The following CACNB2 variants were observed in gnomAD, a reference collection of about 807,000 sequenced individuals.
CACNB2 encodes the protein calcium voltage-gated channel auxiliary subunit beta 2, also known as voltage-dependent L-type calcium channel subunit beta-2.
In CACNB2, 42 loss-of-function variants were observed where a neutral mutation model predicts 73.3. The ratio of observed to expected loss-of-function variants is 0.57; its 90% CI spans 0.45 to 0.74. CACNB2 has a LOEUF of 0.74. CACNB2 is among the 30% of genes least tolerant of loss of function. The pLI, the probability that CACNB2 is intolerant of heterozygous loss-of-function variation, is 0.00. For synonymous variants in CACNB2, 348 were observed against 310.3 expected (o/e 1.12, Z -1.28); for missense variants, 940 against 853.0 (o/e 1.10, Z -1.27).
intron 2 of CACNB2, among the ~76,000 whole-genome samples, chr10:18,368,982 C>T (rs1393015112): frequency 6.6e-6 from 1 of 152,120 alleles, no homozygotes; most frequent in Non-Finnish European, 1.5e-5. Context: ...GGTAATTTAA[C>T]ATCACTGTAA....
chr10:18,401,304 G>T (rs972569136), intron 2 of CACNB2, among the ~76,000 whole-genome samples: 1 of 152,204 alleles, frequency 6.6e-6, no homozygotes, highest in Non-Finnish European at 1.5e-5. Flanking sequence ...TCCCAGGCAG[G>T]TGTTTTCTGT....
In CACNB2 at chr10:18,461,516, T is replaced by G. The variant is rs1187365463; in HGVS notation, c.334-36839T>G. Among the ~76,000 whole-genome samples, 4 of 151,274 alleles carry G rather than the reference T, an allele frequency of 2.6e-5. No individual in the cohort carries two copies. In the East Asian group the frequency reaches 5.9e-4, roughly 22 times the overall value. ...TTAAGCCAGTGGTCCCCAACCTTTT[T>G]GGCACCAGGGAACGAGTTTCCTGGA... On this transcript the variant is annotated intron_variant, in intron 3 of 13. Coordinates refer to ENST00000324631, the MANE Select transcript of CACNB2 (RefSeq NM_201596.3).
intron 2 of CACNB2, among the ~76,000 whole-genome samples, chr10:18,341,225 A>G (rs527849410): frequency 6.6e-6 from 1 of 152,230 alleles, no homozygotes; most frequent in East Asian, 1.9e-4. Flanking sequence ...GCTTAGGGAG[A>G]GAGTCCCGGT....
chr10:18,371,356 C>A (rs901828199), intron 2 of CACNB2, among the ~76,000 whole-genome samples: 1 of 152,120 alleles, frequency 6.6e-6, no homozygotes, highest in African/African-American at 2.4e-5. Context: ...TCCCTCCCCC[C>A]TTTCCCCGAC....
chr10:18,480,418 C>G (rs2048664395), intron 3 of CACNB2, among the ~76,000 whole-genome samples: 1 of 152,138 alleles, frequency 6.6e-6, no homozygotes, highest in Admixed American at 6.6e-5. Context: ...CCGTCATACA[C>G]AGTGTGTCTC....
intron 2 of CACNB2, among the ~76,000 whole-genome samples, chr10:18,192,150 CAA>C (rs1021233344): frequency 5.3e-5 from 8 of 151,754 alleles, no homozygotes; most frequent in African/African-American, 1.9e-4. Context: ...CAAGGCCAGA[CAA>C]AGGTACAGTC....
intron 3 of CACNB2, among the ~76,000 whole-genome samples, chr10:18,490,435 G>A (rs1277801100): frequency 6.6e-6 from 1 of 152,068 alleles, no homozygotes; most frequent in African/African-American, 2.4e-5. Context: ...TCTTGGCTTG[G>A]AACAGGGAGA....
chr10:18,401,543 GTCC>G (rs910759341), intron 2 of CACNB2, among the ~76,000 whole-genome samples: 1 of 152,152 alleles, frequency 6.6e-6, no homozygotes, highest in Admixed American at 6.5e-5. Context: ...TAAGCTTAAT[GTCC>G]TCCTAGTTTC....
chr10:18,342,785 T>C (rs1041238761), intron 2 of CACNB2, among the ~76,000 whole-genome samples: 6 of 152,110 alleles, frequency 3.9e-5, no homozygotes, highest in African/African-American at 1.4e-4. Context: ...TCTTTCAAGT[T>C]TGGACAAGAA....
chr10:18,146,634 C>T (rs373594144), intron 1 of CACNB2, among the ~76,000 whole-genome samples: 3 of 152,066 alleles, frequency 2.0e-5, no homozygotes, highest in Non-Finnish European at 2.9e-5. Flanking sequence ...TCCGCCACCA[C>T]GCCTGGCGAA....
intron 2 of CACNB2, among the ~76,000 whole-genome samples, chr10:18,166,194 T>C (rs968897407): frequency 1.3e-5 from 2 of 152,178 alleles, no homozygotes; most frequent in Non-Finnish European, 2.9e-5. Context: ...GTGACAAATC[T>C]TAAAAATTAA....
chr10:18,326,520 T>C (rs2040595907), intron 2 of CACNB2, among the ~76,000 whole-genome samples: 1 of 152,206 alleles, frequency 6.6e-6, no homozygotes. Context: ...TCAGACTTCG[T>C]CAGAACTGCT....
intron 2 of CACNB2, among the ~76,000 whole-genome samples, chr10:18,397,401 G>T (rs2043767636): frequency 6.6e-6 from 1 of 152,102 alleles, no homozygotes; most frequent in Admixed American, 6.5e-5. Context: ...GGAGACAGAG[G>T]TTACAGTGAG....
chr10:18,362,058 G>A (rs544199409), intron 2 of CACNB2, among the ~76,000 whole-genome samples: 1 of 152,178 alleles, frequency 6.6e-6, no homozygotes, highest in South Asian at 2.1e-4. Context: ...CAAGCTCCTG[G>A]GCTCAAGCAA....
chr10:18,534,368 A>AAAT, intron 11 of CACNB2, 141 bp downstream of exon 11: 1 of 776,176 alleles, frequency 1.3e-6, no homozygotes, highest in Admixed American at 2.0e-5. Context: ...AAGAATTTTT[A>AAAT]AATTGATATA....
At chr10:18,520,829 T>G (rs2051800373) in intron 9 of CACNB2, among the ~76,000 whole-genome samples, 1 of 152,230 alleles carries the variant, frequency 6.6e-6, no homozygotes, top group South Asian at 2.1e-4. Flanking sequence ...GATATTCTCC[T>G]TGGTATACGT....
At chr10:18,449,573 G>A (rs956115457) in intron 3 of CACNB2, among the ~76,000 whole-genome samples, 32 of 152,090 alleles carry the variant, frequency 2.1e-4, no homozygotes, top group African/African-American at 7.7e-4. Flanking sequence ...CCCTTTTTCT[G>A]TCCTCACAAG....
intron 2 of CACNB2, among the ~76,000 whole-genome samples, chr10:18,280,681 C>A (rs566887042): frequency 6.6e-6 from 1 of 152,168 alleles, no homozygotes. Flanking sequence ...CCAGTCAGTA[C>A]CTTTACAAAT....
intron 2 of CACNB2, among the ~76,000 whole-genome samples, chr10:18,348,000 TA>T (rs748477135): frequency 3.3e-5 from 5 of 152,154 alleles, no homozygotes; most frequent in African/African-American, 4.8e-5. Flanking sequence ...GGCATTCTTT[TA>T]AAAAACGTGT....
Sources: allele counts gnomAD v4.1 joint callset (sites outside exome capture counted in the v4.1 genomes callset), GRCh38; gene constraint gnomAD v4.1.1; transcripts MANE v1.5; gene names NCBI Gene and HGNC (gene_info 2026-07-23, HGNC 2026-07-21).